The following TSGA10 variants were observed in gnomAD, a reference collection of about 807,000 sequenced individuals.
The protein encoded by TSGA10 is testis-specific gene 10 protein.
In TSGA10, 43 loss-of-function variants were observed where a neutral mutation model predicts 96.6. The observed-to-expected ratio is 0.44, with a 90% CI of 0.35 to 0.57. The LOEUF is 0.57. TSGA10 is among the 20% of genes least tolerant of loss of function. The pLI, the probability that TSGA10 is intolerant of heterozygous loss-of-function variation, is 0.01. For synonymous variants in TSGA10, 229 were observed against 269.9 expected (o/e 0.85, Z 1.48); for missense variants, 703 against 834.4 (o/e 0.84, Z 1.94).
chr2:99,022,549 C>T (rs2080143047), intron 17 of TSGA10, among the ~76,000 whole-genome samples: 1 of 152,000 alleles, frequency 6.6e-6, no homozygotes, highest in African/African-American at 2.4e-5. Context: ...CTTTTATTGC[C>T]TAATAATATT....
chr2:99,087,018 C>T (rs530391944), intron 10 of TSGA10, among the ~76,000 whole-genome samples: 81 of 151,940 alleles, frequency 5.3e-4, no homozygotes, highest in African/African-American at 1.8e-3. Context: ...TCCTGGCTAA[C>T]ACAGTGAAAC....
chr2:99,058,693 A>G (rs1013880017), intron 16 of TSGA10, among the ~76,000 whole-genome samples: 4 of 152,148 alleles, frequency 2.6e-5, no homozygotes, highest in Non-Finnish European at 5.9e-5. Flanking sequence ...GACAACTTAG[A>G]TGAAATAGGC....
rs75071620 is a variant in TSGA10, at chr2:99,099,835, T to C, written c.611+4132A>G. Among the ~76,000 whole-genome samples the C allele has an allele frequency of 5.9e-5, 9 of 152,274 alleles. No individual in the cohort carries two copies. In the East Asian group the frequency reaches 1.5e-3, roughly 26 times the overall value. ...TAAAAAAACTTCTGTAGGTGGGTTATTAAAATTAATGAAAAGTTAGCAGGA... is the reference window on the plus strand; with the variant it reads ...TAAAAAAACTTCTGTAGGTGGGTTACTAAAATTAATGAAAAGTTAGCAGGA... On this transcript the variant is annotated intron_variant, in intron 10 of 20. Coordinates refer to ENST00000393483, the MANE Select transcript of TSGA10 (RefSeq NM_025244.4).
chr2:99,122,026 A>G (rs1389621482), intron 2 of TSGA10, among the ~76,000 whole-genome samples: 1 of 152,174 alleles, frequency 6.6e-6, no homozygotes, highest in Non-Finnish European at 1.5e-5. Flanking sequence ...TGAAAAGACT[A>G]TCTTCCACTG....
chr2:99,096,628 A>G (rs1213926279), intron 10 of TSGA10, among the ~76,000 whole-genome samples: 1 of 152,190 alleles, frequency 6.6e-6, no homozygotes, highest in East Asian at 1.9e-4. Context: ...GTTTCTTTGT[A>G]GCATTTTCAT....
In TSGA10 at chr2:99,150,332, C is replaced by A. The variant is rs943306238; in HGVS notation, c.-621+4361G>T. The stretch of plus-strand genomic sequence containing the variant: ...AATAAATCTTTAGAACCTGCAAACC[C>A]TCCCACAAAGAAAATGTAAACACTG... On this transcript the variant is annotated intron_variant, in intron 1 of 20. Coordinates refer to ENST00000393483, the MANE Select transcript of TSGA10 (RefSeq NM_025244.4). 23 of 509,016 alleles carry A rather than the reference C, an allele frequency of 4.5e-5. No homozygotes were observed. The Admixed American group carries it at 8.3e-4, about 18-fold the overall frequency. 31.5% of individuals were successfully genotyped at this position (509,016 alleles called of 1,614,324 possible).
intron 16 of TSGA10, among the ~76,000 whole-genome samples, chr2:99,052,756 AAAAT>A (rs535538504): frequency 2.0e-5 from 3 of 150,962 alleles, no homozygotes; most frequent in Non-Finnish European, 3.0e-5. Context: ...AAAAAAAATT[AAAAT>A]AAATAAATAA....
intron 20 of TSGA10, among the ~76,000 whole-genome samples, chr2:98,998,986 C>A (rs1369852192): frequency 6.6e-6 from 1 of 152,022 alleles, no homozygotes; most frequent in Non-Finnish European, 1.5e-5. Context: ...AACCTCTGCC[C>A]CCAGGTTCAA....
intron 4 of TSGA10, among the ~76,000 whole-genome samples, chr2:99,114,538 T>G (rs991596017): frequency 1.3e-5 from 2 of 152,200 alleles, no homozygotes; most frequent in African/African-American, 4.8e-5. Flanking sequence ...TTACCTCTTT[T>G]TCACCCAATA....
intron 12 of TSGA10, among the ~76,000 whole-genome samples, chr2:99,077,409 G>A (rs1376571113): frequency 1.3e-5 from 2 of 152,052 alleles, no homozygotes; most frequent in African/African-American, 4.8e-5. Context: ...AGTTACCTTA[G>A]TAATAAAGTA....
At chr2:99,052,865 T>G (rs2083551154) in intron 16 of TSGA10, among the ~76,000 whole-genome samples, 1 of 152,096 alleles carries the variant, frequency 6.6e-6, no homozygotes, top group Non-Finnish European at 1.5e-5. Flanking sequence ...GCTCAGGAGT[T>G]CAGGACTAGC....
intron 16 of TSGA10, among the ~76,000 whole-genome samples, chr2:99,046,296 A>G (rs1040209033): frequency 6.6e-6 from 1 of 152,202 alleles, no homozygotes; most frequent in African/African-American, 2.4e-5. Context: ...CACCACACTT[A>G]TTCCAAAATT....
chr2:99,092,332 T>C (rs2089455507), intron 10 of TSGA10, among the ~76,000 whole-genome samples: 1 of 151,928 alleles, frequency 6.6e-6, no homozygotes, highest in Non-Finnish European at 1.5e-5. Flanking sequence ...TCAAAAAGTC[T>C]GAAAGAGCAC....
At chr2:99,060,423 T>C (rs925703526) in intron 16 of TSGA10, among the ~76,000 whole-genome samples, 1 of 152,092 alleles carries the variant, frequency 6.6e-6, no homozygotes, top group Admixed American at 6.6e-5. Context: ...CAAAACATTG[T>C]TGAGAGAAAT....
At chr2:99,151,178 G>T in intron 1 of TSGA10, 1 of 169,076 alleles carries the variant, frequency 5.9e-6, no homozygotes. Flanking sequence ...AAGTGTCCAA[G>T]CAGCCGGGCG....
At chr2:99,141,841 G>C (rs937361974) in intron 1 of TSGA10, 1 of 152,420 alleles carries the variant, frequency 6.6e-6, no homozygotes, top group Non-Finnish European at 1.5e-5. Context: ...AGCTGCTTTC[G>C]GGCGCAGCTC....
intron 1 of TSGA10, among the ~76,000 whole-genome samples, chr2:99,152,775 C>T (rs138129230): frequency 4.6e-5 from 7 of 152,086 alleles, no homozygotes; most frequent in South Asian, 2.1e-4. Flanking sequence ...GGTTTGGAAG[C>T]GGAAAGTGAG....
At chr2:99,061,891 T>C (rs1279714396) in intron 16 of TSGA10, among the ~76,000 whole-genome samples, 1 of 152,132 alleles carries the variant, frequency 6.6e-6, no homozygotes, top group Non-Finnish European at 1.5e-5. Flanking sequence ...GGTGTCCTTA[T>C]AAGAATAGGG....
At chr2:99,072,487 C>A (rs772197186) in intron 13 of TSGA10, among the ~76,000 whole-genome samples, 11 of 152,118 alleles carry the variant, frequency 7.2e-5, no homozygotes, top group Non-Finnish European at 1.3e-4. Flanking sequence ...TTGTCCCTGG[C>A]CAGAAACTTG....
Sources: allele counts gnomAD v4.1 joint callset (sites outside exome capture counted in the v4.1 genomes callset), GRCh38; gene constraint gnomAD v4.1.1; transcripts MANE v1.5; gene names NCBI Gene and HGNC (gene_info 2026-07-23, HGNC 2026-07-21).